The following YWHAG variants were observed in gnomAD, a reference collection of about 807,000 sequenced individuals.
YWHAG encodes the protein 14-3-3 protein gamma.
A neutral mutation model predicts 23.3 loss-of-function variants in YWHAG; 1 was observed. That is an observed-to-expected ratio of 0.04 (90% CI 0.02 to 0.20). The LOEUF (loss-of-function observed/expected upper bound fraction) is 0.20, where lower values mean the gene tolerates loss of function less well. YWHAG is among the 10% of genes least tolerant of loss of function. The pLI, the probability that YWHAG is intolerant of heterozygous loss-of-function variation, is 1.00. For missense variants in YWHAG, 151 were observed against 338.6 expected (o/e 0.45, Z 4.35); for synonymous variants, 160 against 144.0 (o/e 1.11, Z -0.80).
chr7:76,351,555 A>G (rs10230188), intron 1 of YWHAG, among the ~76,000 whole-genome samples: 97,923 of 152,100 alleles, frequency 0.64, 33,176 homozygotes, highest in East Asian at 0.94. Context: ...GAAGTCTGTC[A>G]CTCCCCACTG....
At chr7:76,334,004 T>G (rs1054083548) in intron 1 of YWHAG, among the ~76,000 whole-genome samples, 1 of 152,154 alleles carries the variant, frequency 6.6e-6, no homozygotes, top group Non-Finnish European at 1.5e-5. Context: ...CCCAGACACA[T>G]TGGAACAAGG....
intron 1 of YWHAG, among the ~76,000 whole-genome samples, chr7:76,357,949 T>C (rs925095598): frequency 2.0e-5 from 3 of 152,190 alleles, no homozygotes; most frequent in African/African-American, 7.2e-5. Flanking sequence ...CACCTTTTAA[T>C]TTTACAGGCA....
At chr7:76,346,361 C>T (rs1383904671) in intron 1 of YWHAG, among the ~76,000 whole-genome samples, 2 of 152,220 alleles carry the variant, frequency 1.3e-5, no homozygotes, top group African/African-American at 4.8e-5. Context: ...TTCCAACACA[C>T]ATGGATACAA....
chr7:76,339,110 G>C (rs550926811), intron 1 of YWHAG, among the ~76,000 whole-genome samples: 77 of 152,338 alleles, frequency 5.1e-4, no homozygotes, highest in Non-Finnish European at 9.6e-4. Flanking sequence ...ACAGTTTATG[G>C]ATGTATACAA....
rs140295218 is a variant in YWHAG at position 76,331,927 on chromosome 7, C to CA, written c.88-1695dup. On this transcript the variant is annotated intron_variant, in intron 1 of 1. Coordinates refer to ENST00000307630, the MANE Select transcript of YWHAG (RefSeq NM_012479.4). ...GTCATTACTTCAAGCAGCATCTACT[C>CA]AGAGATAATTAAATCAAAACATAAA... 3.6e-3 allele frequency among the ~76,000 whole-genome samples: 549 copies of CA among 152,208 alleles called. 2 individuals are homozygous for CA. The highest frequency in any genetic ancestry group is 0.012 in the African/African-American group (519 of 41,524).
chr7:76,345,631 T>C lies in YWHAG; in HGVS notation c.87+13091A>G, dbSNP rs533080317. Reference sequence around the variant, plus strand: ...CCTCTCCTACTCTTCCCCATTAACATACAGTGAAAGTTAAGATTTAAAAAA... The same window carrying C: ...CCTCTCCTACTCTTCCCCATTAACACACAGTGAAAGTTAAGATTTAAAAAA... On this transcript the variant is annotated intron_variant, in intron 1 of 1. Transcript: ENST00000307630. Among the ~76,000 whole-genome samples, 7 of 152,044 alleles carry C rather than the reference T, an allele frequency of 4.6e-5. No homozygotes were observed. The South Asian group carries it at 1.5e-3, about 32-fold the overall frequency.
At chr7:76,332,691 CTTTT>C (rs1335846429) in intron 1 of YWHAG, among the ~76,000 whole-genome samples, 3 of 134,752 alleles carry the variant, frequency 2.2e-5, no homozygotes, top group Admixed American at 7.5e-5. Context: ...TGGCTGATTT[CTTTT>C]TTTTTTTTTT....
intron 1 of YWHAG, among the ~76,000 whole-genome samples, chr7:76,346,226 T>C (rs895004687): frequency 6.6e-6 from 1 of 152,178 alleles, no homozygotes; most frequent in Non-Finnish European, 1.5e-5. Context: ...CCTCCCCTTG[T>C]CAGCCTTCTT....
At chr7:76,351,480 T>C (rs1418029087) in intron 1 of YWHAG, among the ~76,000 whole-genome samples, 1 of 152,146 alleles carries the variant, frequency 6.6e-6, no homozygotes, top group Non-Finnish European at 1.5e-5. Context: ...AATAATAACA[T>C]CTATTCTCTA....
At position 76,349,440 on chromosome 7, in the gene YWHAG, CACAG is replaced by C. The variant is rs201826868; in HGVS notation, c.87+9278_87+9281del. 2.0e-4 allele frequency among the ~76,000 whole-genome samples: 16 copies of C among 78,856 alleles called. No individual in the cohort carries two copies. In the East Asian group the frequency reaches 5.0e-3, roughly 25 times the overall value. The allele number at this position is 78,856 out of a possible 152,430, so 51.7% of individuals were successfully genotyped here. The stretch of plus-strand genomic sequence containing the variant: ...TAATACACACACACACACACACACA[CACAG>C]ACACACACACACACACACACACAGC... On this transcript the variant is annotated intron_variant, in intron 1 of 1. Coordinates refer to ENST00000307630, the MANE Select transcript of YWHAG (RefSeq NM_012479.4).
In YWHAG at chr7:76,329,454, C is replaced by G; in HGVS notation, c.*123G>C. On this transcript the variant is annotated 3_prime_UTR_variant, in exon 2 of 2. Coordinates refer to ENST00000307630, the MANE Select transcript of YWHAG (RefSeq NM_012479.4). The surrounding 1 kb of genome is among the most constrained non-coding windows in gnomAD (Gnocchi z 6.1). ...AGAGGCGATCAAAGACAGGACAGGT[C>G]GTGGGTTTCTCCCTGGGAAGGTCAT... The G allele has an allele frequency of 8.1e-7, 1 of 1,239,406 alleles. No individual in the cohort carries two copies. The highest frequency in any genetic ancestry group is 1.1e-6 in the Non-Finnish European group (1 of 916,522). 76.8% of individuals were successfully genotyped at this position (1,239,406 alleles called of 1,614,324 possible).
At chr7:76,340,067 C>G (rs750886976) in intron 1 of YWHAG, among the ~76,000 whole-genome samples, 3 of 151,920 alleles carry the variant, frequency 2.0e-5, no homozygotes, top group African/African-American at 4.8e-5. Flanking sequence ...CCTGCCTGGG[C>G]GACACAGCGA....
intron 1 of YWHAG, among the ~76,000 whole-genome samples, chr7:76,344,739 T>C (rs1803750218): frequency 6.6e-6 from 1 of 152,180 alleles, no homozygotes; most frequent in Non-Finnish European, 1.5e-5. Context: ...AAACATTAGT[T>C]GAACTCATCA....
At position 76,342,118 on chromosome 7, in the gene YWHAG, G is replaced by A. The variant is rs142101727; in HGVS notation, c.88-11885C>T. Among the ~76,000 whole-genome samples the A allele has an allele frequency of 5.9e-5, 9 of 152,238 alleles. No individual in the cohort carries two copies. The East Asian group carries it at 7.7e-4, about 13-fold the overall frequency. On this transcript the variant is annotated intron_variant, in intron 1 of 1. Coordinates refer to ENST00000307630, the MANE Select transcript of YWHAG (RefSeq NM_012479.4). ...TCTTGTGACCTCCTACCAACATCTA[G>A]TAATGTAGTGCAGGTTATATTTCTC... is the stretch of plus-strand genomic sequence containing the variant.
rs1267511647 is a variant in YWHAG at position 76,354,329 on chromosome 7, G to A, written c.87+4393C>T. Among the ~76,000 whole-genome samples, 4 of 151,990 alleles carry A rather than the reference G, an allele frequency of 2.6e-5. No individual in the cohort carries two copies. In the East Asian group the frequency reaches 5.8e-4, roughly 22 times the overall value. Reference sequence around the variant, plus strand: ...AGTTCGAGCTCAGCCTGGCCAACATGGTGAAACCCTGTCTCTATCAAAACT... The same window carrying A: ...AGTTCGAGCTCAGCCTGGCCAACATAGTGAAACCCTGTCTCTATCAAAACT... On this transcript the variant is annotated intron_variant, in intron 1 of 1. Transcript: ENST00000307630.
intron 1 of YWHAG, among the ~76,000 whole-genome samples, chr7:76,348,969 G>C (rs1257322851): frequency 6.6e-6 from 1 of 152,134 alleles, no homozygotes; most frequent in Non-Finnish European, 1.5e-5. Flanking sequence ...AATGGGAAAA[G>C]TACATAAAAA....
chr7:76,342,971 T>C (rs1432973637), intron 1 of YWHAG, among the ~76,000 whole-genome samples: 1 of 152,072 alleles, frequency 6.6e-6, no homozygotes, highest in Non-Finnish European at 1.5e-5. Flanking sequence ...GCCCCGTCTC[T>C]ACTAAAAATA....
At chr7:76,348,036 G>C (rs1803810051) in intron 1 of YWHAG, among the ~76,000 whole-genome samples, 1 of 152,208 alleles carries the variant, frequency 6.6e-6, no homozygotes, top group South Asian at 2.1e-4. Flanking sequence ...TAAAGGAAAT[G>C]AGTTCTTCTG....
chr7:76,330,017 T>C lies in YWHAG; in HGVS notation c.304A>G (p.Ser102Gly). 4 of 1,614,192 alleles carry C rather than the reference T, an allele frequency of 2.5e-6. No homozygotes were observed. Among genetic ancestry groups the C allele is most frequent in the Non-Finnish European group, 3.4e-6 (4 of 1,180,044 alleles). Residue 102 changes from serine to glycine, a missense_variant, in exon 2 of 2, where the codon AGC becomes GGC. By Grantham distance (56) the Ser-to-Gly change is moderately conservative. Transcript: ENST00000307630. ...TTGATCAGGTAGTTATCCAGCAGGC[T>C]CAGCACATCCTGGCACACAGCCTCC... Reference protein sequence around the residue: ...ELEAVCQDVLSLLDNYLIKNC... With the variant: ...ELEAVCQDVLGLLDNYLIKNC...
Sources: allele counts gnomAD v4.1 joint callset (sites outside exome capture counted in the v4.1 genomes callset), GRCh38; gene constraint gnomAD v4.1.1; non-coding constraint Gnocchi (gnomAD v3.1); transcripts MANE v1.5; gene names NCBI Gene and HGNC (gene_info 2026-07-23, HGNC 2026-07-21).